C1QB: variants seen among roughly 807,000 people sequenced by gnomAD.
C1QB encodes the protein complement C1q B chain.
C1QB carries 2 observed loss-of-function variants against 4.6 expected under a neutral mutation model. The ratio of observed to expected loss-of-function variants is 0.43; its 90% CI spans 0.18 to 1.36. The LOEUF (loss-of-function observed/expected upper bound fraction) is 1.36, where lower values mean the gene tolerates loss of function less well. Ranked by LOEUF, C1QB falls within the 40% of genes most tolerant of loss-of-function variation. The probability of loss-of-function intolerance (pLI) is 0.28; values close to 1 mark genes in which losing one functional copy is unlikely to be tolerated. For missense variants in C1QB, 292 were observed against 338.0 expected (o/e 0.86, Z 1.07); for synonymous variants, 132 against 137.1 (o/e 0.96, Z 0.26).
In C1QB at chr1:22,660,855, G is replaced by C; in HGVS notation, c.225G>C (p.Lys75Asn). ...LAGDHGEFGE[K>N]GDPGIPGNPG... ...GAGACCATGGTGAGTTCGGAGAGAAGGGAGACCCAGGGATTCCTGGGAATC... is the reference window on the plus strand; with the variant it reads ...GAGACCATGGTGAGTTCGGAGAGAACGGAGACCCAGGGATTCCTGGGAATC... The change falls in exon 3 of 3, where the codon AAG becomes AAC. Residue 75 changes from lysine (K) to asparagine (N), a missense_variant. By Grantham distance (94) the Lys-to-Asn change is moderately conservative. Transcript: ENST00000509305. 2 of 1,613,942 alleles carry C rather than the reference G, an allele frequency of 1.2e-6. No individual in the cohort carries two copies. The highest frequency in any genetic ancestry group is 2.2e-5 in the East Asian group (1 of 44,818).
chr1:22,656,507 C>CA (rs1312046672), intron 1 of C1QB, among the ~76,000 whole-genome samples: 2 of 151,660 alleles, frequency 1.3e-5, no homozygotes, highest in African/African-American at 4.8e-5. Context: ...GACCCCATCT[C>CA]AAAAAAAACC....
intron 1 of C1QB, among the ~76,000 whole-genome samples, chr1:22,659,081 AGG>A: frequency 1.2e-5 from 1 of 85,206 alleles, no homozygotes; most frequent in Non-Finnish European, 2.5e-5. Flanking sequence ...ATGGATGGAC[AGG>A]GGGATGGAGG....
intron 2 of C1QB, 141 bp from the exon 3 acceptor site, chr1:22,660,671 G>C (rs1642606202): frequency 1.2e-6 from 1 of 814,152 alleles, no homozygotes; most frequent in East Asian, 2.6e-5. Flanking sequence ...GAGACCCAGA[G>C]CCCCTGCCTG....
chr1:22,654,328 G>T (rs1390001912), intron 1 of C1QB, among the ~76,000 whole-genome samples: 1 of 151,938 alleles, frequency 6.6e-6, no homozygotes, highest in Non-Finnish European at 1.5e-5. Flanking sequence ...CCTGCCCCTG[G>T]CTTCCCCAGG....
chr1:22,658,394 G>A lies in C1QB; in HGVS notation c.-23-1046G>A, dbSNP rs45447595. 1.1e-3 allele frequency among the ~76,000 whole-genome samples: 164 copies of A among 152,250 alleles called. No individual in the cohort carries two copies. The East Asian group carries it at 0.022, about 20-fold the overall frequency. ...TCACTTCCAAGAGTGGCTTCCCCTT[G>A]GAGAAGACTTTCCTGGTGGGAGGAC... On this transcript the variant is annotated intron_variant, in intron 1 of 2. Coordinates refer to ENST00000509305, the MANE Select transcript of C1QB (RefSeq NM_001378156.1).
chr1:22,657,982 C>T (rs1007852917), intron 1 of C1QB, among the ~76,000 whole-genome samples: 4 of 152,146 alleles, frequency 2.6e-5, no homozygotes, highest in East Asian at 1.9e-4. Flanking sequence ...GCAGGGACAT[C>T]GGCTTCATTC....
At chr1:22,659,289 G>GAT in intron 1 of C1QB, among the ~76,000 whole-genome samples, 151 bp from the exon 2 acceptor site, 1 of 137,794 alleles carries the variant, frequency 7.3e-6, no homozygotes, top group Non-Finnish European at 1.6e-5. Context: ...TGGAGGGATA[G>GAT]AGAGATGGAT....
rs1642614994 is a variant in C1QB, at chr1:22,661,116, G to T, written c.486G>T (p.Val162=). Residue 162 remains valine (V), a synonymous_variant, in exon 3 of 3, where the codon GTG becomes GTT. Coordinates refer to ENST00000509305, the MANE Select transcript of C1QB (RefSeq NM_001378156.1). ...GCAGTGGCAAGTTCACCTGCAAGGT[G>T]CCCGGTCTCTACTACTTCACCTACC... is the stretch of plus-strand genomic sequence containing the variant. The part of the protein sequence containing the change: ...EPRSGKFTCK[V]PGLYYFTYHA... 1 of 1,614,190 alleles carries T rather than the reference G, an allele frequency of 6.2e-7. No homozygotes were observed. Among genetic ancestry groups the T allele is most frequent in the Non-Finnish European group, 8.5e-7 (1 of 1,180,034 alleles).
chr1:22,656,327 T>C (rs1256976861), intron 1 of C1QB, among the ~76,000 whole-genome samples: 3 of 152,118 alleles, frequency 2.0e-5, no homozygotes, highest in South Asian at 2.1e-4. Context: ...ATAGCAGCAC[T>C]CTTCACAATA....
In C1QB at chr1:22,654,742, T is replaced by C. The variant is rs544816823; in HGVS notation, c.-24+1439T>C. 1.1e-4 allele frequency among the ~76,000 whole-genome samples: 17 copies of C among 152,298 alleles called. No individual in the cohort carries two copies. The East Asian group carries it at 2.9e-3, about 26-fold the overall frequency. On this transcript the variant is annotated intron_variant, in intron 1 of 2. Coordinates refer to ENST00000509305, the MANE Select transcript of C1QB (RefSeq NM_001378156.1). ...GAGACCTTATGTGAACGCTGAGTGTTGCTTTCCTTGTGACACTACAGGCTC... is the reference window on the plus strand; with the variant it reads ...GAGACCTTATGTGAACGCTGAGTGTCGCTTTCCTTGTGACACTACAGGCTC...
rs775542683 is a variant in C1QB, at chr1:22,660,854, A to G, written c.224A>G (p.Lys75Arg). 3 of 1,613,876 alleles carry G rather than the reference A, an allele frequency of 1.9e-6. No individual in the cohort carries two copies. Among genetic ancestry groups the G allele is most frequent in the Non-Finnish European group, 2.5e-6 (3 of 1,179,960 alleles). The stretch of plus-strand genomic sequence containing the variant: ...GGAGACCATGGTGAGTTCGGAGAGA[A>G]GGGAGACCCAGGGATTCCTGGGAAT... ...LAGDHGEFGE[K>R]GDPGIPGNPG... is the part of the protein sequence containing the mutation. Residue 75 changes from lysine to arginine, a missense_variant, in exon 3 of 3, where the codon AAG becomes AGG. Transcript: ENST00000509305.
At chr1:22,654,518 C>T (rs1207916129) in intron 1 of C1QB, among the ~76,000 whole-genome samples, 2 of 152,124 alleles carry the variant, frequency 1.3e-5, no homozygotes, top group African/African-American at 4.8e-5. Context: ...CTCAGGAATT[C>T]TTGGATGACA....
rs1642617312 is a variant in C1QB, at chr1:22,661,204, G to A, written c.574G>A (p.Val192Met). Residue 192 changes from valine (V) to methionine (M), a missense_variant, in exon 3 of 3, where the codon GTG (valine) becomes ATG (methionine). Coordinates refer to ENST00000509305, the MANE Select transcript of C1QB (RefSeq NM_001378156.1). The stretch of plus-strand genomic sequence containing the variant: ...GCGTGGCCGGGAGCGTGCACAGAAG[G>A]TGGTCACCTTCTGTGACTATGCCTA... Reference protein sequence around the residue: ...LMRGRERAQKVVTFCDYAYNT... With the variant: ...LMRGRERAQKMVTFCDYAYNT... 4 of 1,613,918 alleles carry A rather than the reference G, an allele frequency of 2.5e-6. No individual in the cohort carries two copies. Among genetic ancestry groups the A allele is most frequent in the East Asian group, 4.5e-5 (2 of 44,830 alleles).
intron 1 of C1QB, among the ~76,000 whole-genome samples, chr1:22,655,725 G>A (rs893356433): frequency 6.6e-6 from 1 of 152,162 alleles, no homozygotes; most frequent in Admixed American, 6.5e-5. Context: ...AAGTCCCAAT[G>A]AGAGCTTGGG....
Position 22,659,614 on chromosome 1 carries a change from C to G in C1QB, c.152C>G (p.Pro51Arg). The G allele has an allele frequency of 6.2e-7, 1 of 1,613,726 alleles. No individual in the cohort carries two copies. Among genetic ancestry groups the G allele is most frequent in the Non-Finnish European group, 8.5e-7 (1 of 1,179,798 alleles). Reference sequence around the variant, plus strand: ...GGGACACCTGGCCCCGATGGCCAACCTGGGACCCCAGGGATAAAAGGAGAG... The same window carrying G: ...GGGACACCTGGCCCCGATGGCCAACGTGGGACCCCAGGGATAAAAGGAGAG... ...IPGTPGPDGQPGTPGIKGEKG... is the reference protein window; with the variant it reads ...IPGTPGPDGQRGTPGIKGEKG... The change falls in exon 2 of 3, where the codon CCT becomes CGT. Residue 51 changes from proline (P) to arginine (R), a missense_variant. Physicochemically the swap from Pro to Arg is moderately radical, Grantham distance 103 (BLOSUM62 -2). Coordinates refer to ENST00000509305, the MANE Select transcript of C1QB (RefSeq NM_001378156.1).
In C1QB at chr1:22,661,457, C is replaced by G. The variant is rs369198810; in HGVS notation, c.*71C>G. The G allele has an allele frequency of 6.4e-7, 1 of 1,561,002 alleles. No homozygotes were observed. Among genetic ancestry groups the G allele is most frequent in the African/African-American group, 1.4e-5 (1 of 73,808 alleles). The stretch of plus-strand genomic sequence containing the variant: ...GCTCACTCTACCCCCAACACCACCC[C>G]TTGCCCAACCAATGCACACAGTAGG... On this transcript the variant is annotated 3_prime_UTR_variant, in exon 3 of 3. Coordinates refer to ENST00000509305, the MANE Select transcript of C1QB (RefSeq NM_001378156.1).
In C1QB at chr1:22,659,310, AT is replaced by A; in HGVS notation, c.-23-129del. The A allele has an allele frequency of 1.1e-5, 8 of 719,226 alleles. No homozygotes were observed. In the South Asian group the frequency reaches 1.2e-4, roughly 11 times the overall value. 44.6% of individuals were successfully genotyped at this position (719,226 alleles called of 1,614,324 possible). On this transcript the variant is annotated intron_variant, in intron 1 of 2. Transcript: ENST00000509305. ...GATAGAGAGATGGATGGATGGATGGATGGATGGATGGATGGATGCAGATGGA... is the reference window on the plus strand; with the variant it reads ...GATAGAGAGATGGATGGATGGATGGAGGATGGATGGATGGATGCAGATGGA...
At chr1:22,654,555 C>A (rs2148301727) in intron 1 of C1QB, among the ~76,000 whole-genome samples, 1 of 152,254 alleles carries the variant, frequency 6.6e-6, no homozygotes, top group Admixed American at 6.5e-5. Flanking sequence ...AGCTAATATT[C>A]ATTAAGAATT....
chr1:22,661,236 C>T lies in C1QB; in HGVS notation c.606C>T (p.Thr202=), dbSNP rs1642618000. Residue 202 remains threonine, a synonymous_variant, in exon 3 of 3, where the codon ACC becomes ACT. Coordinates refer to ENST00000509305, the MANE Select transcript of C1QB (RefSeq NM_001378156.1). The part of the protein sequence containing the change: ...VVTFCDYAYN[T]FQVTTGGMVL... ...CCTTCTGTGACTATGCCTACAACACCTTCCAGGTCACCACCGGTGGCATGG... is the reference window on the plus strand; with the variant it reads ...CCTTCTGTGACTATGCCTACAACACTTTCCAGGTCACCACCGGTGGCATGG... 1.2e-6 allele frequency: 2 copies of T among 1,613,312 alleles called. No homozygotes were observed. Among genetic ancestry groups the T allele is most frequent in the Admixed American group, 1.7e-5 (1 of 60,016 alleles).
Sources: allele counts gnomAD v4.1 joint callset (sites outside exome capture counted in the v4.1 genomes callset), GRCh38; gene constraint gnomAD v4.1.1; transcripts MANE v1.5; gene names NCBI Gene and HGNC (gene_info 2026-07-23, HGNC 2026-07-21).